Variants in SAMSN1 observed in about 807,000 individuals in gnomAD.
SAMSN1 encodes SAM domain-containing protein SAMSN-1.
A neutral mutation model predicts 42.0 loss-of-function variants in SAMSN1; 31 were observed. The observed-to-expected ratio is 0.74, with a 90% CI of 0.55 to 1.00. The LOEUF (loss-of-function observed/expected upper bound fraction) is 1.00, where lower values mean the gene tolerates loss of function less well. Ranked by LOEUF, SAMSN1 falls within the 50% of genes least tolerant of loss-of-function variation. The probability of loss-of-function intolerance (pLI) is 0.00; values close to 1 mark genes in which losing one functional copy is unlikely to be tolerated. For missense variants in SAMSN1, 464 were observed against 439.4 expected (o/e 1.06, Z -0.50); for synonymous variants, 178 against 151.9 (o/e 1.17, Z -1.26).
chr21:14,515,750 TA>T (rs535994245), intron 3 of SAMSN1, among the ~76,000 whole-genome samples: 433 of 152,270 alleles, frequency 2.8e-3, no homozygotes, highest in African/African-American at 9.8e-3. Flanking sequence ...ATATATCTGA[TA>T]AAAAACTTGC....
chr21:14,626,709 G>C (rs548468860), intron 2 of SAMSN1, among the ~76,000 whole-genome samples: 103 of 152,346 alleles, frequency 6.8e-4, no homozygotes, highest in South Asian at 2.7e-3. Context: ...CATTGTGGAA[G>C]ACAGTGTGGC....
chr21:14,651,540 C>T (rs1983837815), intron 1 of SAMSN1, among the ~76,000 whole-genome samples: 1 of 151,884 alleles, frequency 6.6e-6, no homozygotes. Context: ...CATACCTCAA[C>T]ATAATAAAAG....
intron 1 of SAMSN1, among the ~76,000 whole-genome samples, chr21:14,652,851 A>C (rs1235326159): frequency 1.3e-5 from 2 of 152,084 alleles, no homozygotes; most frequent in African/African-American, 4.8e-5. Context: ...AAAGTCTAAT[A>C]ATCTGATCAA....
At chr21:14,650,925 A>G (rs1276455355) in intron 1 of SAMSN1, among the ~76,000 whole-genome samples, 1 of 152,010 alleles carries the variant, frequency 6.6e-6, no homozygotes, top group African/African-American at 2.4e-5. Context: ...TAAAAAATCT[A>G]GAAGAAATGG....
chr21:14,588,736 A>G (rs1035720344), intron 7 of SAMSN1, among the ~76,000 whole-genome samples: 2 of 151,786 alleles, frequency 1.3e-5, no homozygotes, highest in Admixed American at 6.6e-5. Flanking sequence ...TTGAATGTCC[A>G]TAACTAAGAG....
At chr21:14,658,314 G>A (rs1983947747) in intron 1 of SAMSN1, among the ~76,000 whole-genome samples, 1 of 151,864 alleles carries the variant, frequency 6.6e-6, no homozygotes. Context: ...CTCCATGGAA[G>A]TTTAACCAAG....
chr21:14,654,735 C>T (rs1479452498), intron 1 of SAMSN1, among the ~76,000 whole-genome samples: 3 of 151,952 alleles, frequency 2.0e-5, no homozygotes, highest in African/African-American at 7.2e-5. Context: ...GTTCATATAT[C>T]TGCTTGGAAT....
At position 14,546,238 on chromosome 21, in the gene SAMSN1, A is replaced by G. The variant is rs1568802532; in HGVS notation, c.24T>C (p.Asn8=). ...TTTGATGTTTCTCCTTCTCTGAAACATTGGATGGCTTTCTCTTGAGCATTT... is the reference window on the plus strand; with the variant it reads ...TTTGATGTTTCTCCTTCTCTGAAACGTTGGATGGCTTTCTCTTGAGCATTT... The part of the protein sequence containing the change: MLKRKPS[N]VSEKEKHQKP... Residue 8 remains asparagine (N), a synonymous_variant, in exon 1 of 8, where the codon AAT becomes AAC. Transcript: ENST00000400566. 6.2e-7 allele frequency: 1 copy of G among 1,613,604 alleles called. No homozygotes were observed. The highest frequency in any genetic ancestry group is 8.5e-7 in the Non-Finnish European group (1 of 1,179,756).
chr21:14,567,984 G>C (rs760346), intron 2 of SAMSN1, among the ~76,000 whole-genome samples: 141,450 of 152,232 alleles, frequency 0.93, 65,893 homozygotes, highest in East Asian at 1. Flanking sequence ...AATGGTGTTC[G>C]TCTATTCAGA....
At chr21:14,634,008 A>T (rs2123366810) in intron 2 of SAMSN1, among the ~76,000 whole-genome samples, 1 of 152,302 alleles carries the variant, frequency 6.6e-6, no homozygotes, top group East Asian at 1.9e-4. Flanking sequence ...AATGCTGATG[A>T]GTAAGTGTAT....
intron 1 of SAMSN1, among the ~76,000 whole-genome samples, chr21:14,643,640 C>A (rs755784802): frequency 6.6e-6 from 1 of 152,098 alleles, no homozygotes; most frequent in African/African-American, 2.4e-5. Flanking sequence ...CTCCACTGAT[C>A]GTTTCTCCAC....
intron 1 of SAMSN1, among the ~76,000 whole-genome samples, chr21:14,654,364 G>T (rs1288754570): frequency 6.6e-6 from 1 of 152,032 alleles, no homozygotes; most frequent in Non-Finnish European, 1.5e-5. Context: ...AGTAAGTCAT[G>T]AGTGCTCTAA....
Position 14,516,959 on chromosome 21 carries a change from C to T in SAMSN1, c.212G>A (p.Arg71Lys), listed in dbSNP as rs1987946876. 2 of 1,613,384 alleles carry T rather than the reference C, an allele frequency of 1.2e-6. No individual in the cohort carries two copies. The highest frequency in any genetic ancestry group is 1.7e-6 in the Non-Finnish European group (2 of 1,179,566). Reference sequence around the variant, plus strand: ...TTTCTTCATTGTCCATGAAATAGCTCTCATTTTTTTACCCAAACCGCCTCC... The same window carrying T: ...TTTCTTCATTGTCCATGAAATAGCTTTCATTTTTTTACCCAAACCGCCTCC... The part of the protein sequence containing the change: ...NNGGGLGKKM[R>K]AISWTMKKKV... Residue 71 changes from arginine to lysine, a missense_variant, in exon 3 of 8, where the codon AGA becomes AAA. Transcript: ENST00000400566.
At chr21:14,573,589 T>C (rs1981371325) in intron 2 of SAMSN1, among the ~76,000 whole-genome samples, 1 of 152,074 alleles carries the variant, frequency 6.6e-6, no homozygotes, top group South Asian at 2.1e-4. Flanking sequence ...AGGTAAAAAA[T>C]GTAGAAATAC....
At chr21:14,505,770 A>G (rs1987371458) in intron 5 of SAMSN1, among the ~76,000 whole-genome samples, 1 of 152,220 alleles carries the variant, frequency 6.6e-6, no homozygotes, top group Non-Finnish European at 1.5e-5. Context: ...CATACAGAAC[A>G]TTCCATCCAA....
chr21:14,614,610 C>A (rs1312181157), intron 3 of SAMSN1, among the ~76,000 whole-genome samples: 2 of 152,064 alleles, frequency 1.3e-5, no homozygotes, highest in East Asian at 1.9e-4. Context: ...CGAAGGTGAC[C>A]CTTTTTAAGC....
At chr21:14,561,800 G>A (rs1269526201) in intron 2 of SAMSN1, among the ~76,000 whole-genome samples, 1 of 152,164 alleles carries the variant, frequency 6.6e-6, no homozygotes, top group Non-Finnish European at 1.5e-5. Flanking sequence ...ATGCACAAAG[G>A]GATGACCATA....
At chr21:14,606,082 C>T (rs1392026035) in intron 5 of SAMSN1, among the ~76,000 whole-genome samples, 2 of 152,020 alleles carry the variant, frequency 1.3e-5, no homozygotes, top group African/African-American at 4.8e-5. Flanking sequence ...CCTCATGATC[C>T]GCCCGCCTCG....
In SAMSN1 at chr21:14,582,228, C is replaced by T. The variant is rs868707478; in HGVS notation, c.169G>A (p.Ala57Thr). The T allele has an allele frequency of 3.9e-6, 6 of 1,550,720 alleles. 1 individual carries two copies. In the African/African-American group the frequency reaches 4.1e-5, roughly 11 times the overall value. The change falls in exon 2 of 9, where the codon GCA (alanine) becomes ACA (threonine). Residue 57 changes from alanine to threonine, a missense_variant. Transcript: ENST00000285670. ...CAGTGGTCCCAGGGTCCAACTTGTG[C>T]TATTTGGAAATCAAGACATGTCCAG...
Sources: allele counts gnomAD v4.1 joint callset (sites outside exome capture counted in the v4.1 genomes callset), GRCh38; gene constraint gnomAD v4.1.1; transcripts MANE v1.5; gene names NCBI Gene and HGNC (gene_info 2026-07-23, HGNC 2026-07-21).